PDLIM2: variants seen among roughly 807,000 people sequenced by gnomAD.
The protein encoded by PDLIM2 is PDZ and LIM domain protein 2.
PDLIM2 carries 51 observed loss-of-function variants against 54.1 expected under a neutral mutation model. The observed-to-expected ratio is 0.94, with a 90% CI of 0.75 to 1.19. PDLIM2 has a LOEUF of 1.19. Among genes scored for constraint, PDLIM2 ranks in the 50% most tolerant of loss-of-function variants. The pLI is 0.00. For missense variants in PDLIM2, 912 were observed against 874.0 expected, an observed-to-expected ratio of 1.04 and a Z score of -0.55; for synonymous variants, 398 against 385.6, an observed-to-expected ratio of 1.03 and a Z score of -0.38.
chr8:22,587,865 T>C (rs1221687139), intron 6 of PDLIM2: 1 of 152,306 alleles, frequency 6.6e-6, no homozygotes, highest in Non-Finnish European at 1.5e-5. Context: ...GATGCCCTTA[T>C]AGTGCCTCTG....
chr8:22,597,742 G>A (rs1800710999), downstream of PDLIM2: 1 of 152,500 alleles, frequency 6.6e-6, no homozygotes, highest in Non-Finnish European at 1.5e-5. Context: ...CACGGCCGGG[G>A]TGTGATTCCA....
At chr8:22,585,029 A>T (rs755714943) in exon 5 of PDLIM2, 1 of 1,613,906 alleles carries the variant, frequency 6.2e-7, no homozygotes, top group Non-Finnish European at 8.5e-7. Flanking sequence ...CTCCGTGAGG[A>T]CATACACTGA....
At chr8:22,581,130 T>C (rs1800188558) in intron 2 of PDLIM2, 1 of 667,348 alleles carries the variant, frequency 1.5e-6, no homozygotes, top group South Asian at 1.6e-5. Flanking sequence ...CCAAGCACAG[T>C]TCCTGAAATT....
At chr8:22,594,097 C>T in exon 10 of PDLIM2, 2 of 1,428,866 alleles carry the variant, frequency 1.4e-6, no homozygotes, top group Non-Finnish European at 1.8e-6. Context: ...TCACCCTCAC[C>T]TTGCCAGGCC....
chr8:22,578,997 G>A, exon 1 of PDLIM2: 4 of 1,242,538 alleles, frequency 3.2e-6, no homozygotes, highest in Non-Finnish European at 4.0e-6. Context: ...CCCCCCGGCG[G>A]GCTCGGGCCA....
At chr8:22,581,564 T>TC in intron 3 of PDLIM2, 34 bp downstream of exon 2, 1 of 1,532,858 alleles carries the variant, frequency 6.5e-7, no homozygotes, top group African/African-American at 1.4e-5. Flanking sequence ...CCTGTGGCAT[T>TC]CCCCCTCCTC....
intron 6 of PDLIM2, 113 bp downstream of exon 5, chr8:22,585,512 T>G: frequency 9.6e-7 from 1 of 1,042,558 alleles, no homozygotes; most frequent in Non-Finnish European, 1.4e-6. Context: ...AGCCATGGCC[T>G]CCTTCTCCTG....
chr8:22,593,383 C>T, intron 9 of PDLIM2: 1 of 208,834 alleles, frequency 4.8e-6, no homozygotes, highest in Non-Finnish European at 9.5e-6. Context: ...GCAAGACCGT[C>T]CTGGCTAACA....
At chr8:22,590,100 G>A in intron 8 of PDLIM2, 1 of 272,252 alleles carries the variant, frequency 3.7e-6, no homozygotes, top group South Asian at 4.5e-5. Flanking sequence ...AAAACATCAA[G>A]ACTTAAACAG....
At chr8:22,594,496 C>T (rs760676755), downstream of PDLIM2, 2 of 1,613,510 alleles carry the variant, frequency 1.2e-6, no homozygotes, top group Non-Finnish European at 8.5e-7. Context: ...TCATGTCATT[C>T]CTTAACCTTT....
intron 6 of PDLIM2, among the ~76,000 whole-genome samples, chr8:22,587,118 G>C (rs1800401872): frequency 1.3e-5 from 2 of 152,196 alleles, no homozygotes; most frequent in South Asian, 2.1e-4. Flanking sequence ...TGGGCTCTGG[G>C]GATGCAATCG....
At chr8:22,581,381 G>A in exon 3 of PDLIM2, 4 of 1,599,236 alleles carry the variant, frequency 2.5e-6, no homozygotes, top group Non-Finnish European at 3.4e-6. Flanking sequence ...CCCTACAGGT[G>A]GCCGAGCGGG....
chr8:22,593,452 T>C (rs539412175), intron 9 of PDLIM2: 9 of 394,878 alleles, frequency 2.3e-5, no homozygotes, highest in African/African-American at 1.9e-4. Context: ...TCGCACATGC[T>C]TGTAATCCCA....
intron 6 of PDLIM2, chr8:22,588,343 C>T (rs1285793206): frequency 6.6e-6 from 1 of 152,248 alleles, no homozygotes; most frequent in Non-Finnish European, 1.5e-5. Flanking sequence ...TGCAATTTTC[C>T]ATGTGGCTTC....
chr8:22,585,192 T>G, intron 5 of PDLIM2, 30 bp downstream of exon 4: 1 of 1,609,434 alleles, frequency 6.2e-7, no homozygotes, highest in South Asian at 1.1e-5. Flanking sequence ...GGTACCCTGG[T>G]CGCCTGCGCT....
At chr8:22,592,174 C>T (rs535457193) in intron 9 of PDLIM2, 11 of 149,396 alleles carry the variant, frequency 7.4e-5, no homozygotes, top group African/African-American at 2.5e-4. Flanking sequence ...CTCTGCCTCC[C>T]AGGTTCACGC....
chr8:22,593,437 T>TGTAGATCTCG, intron 9 of PDLIM2: 2 of 351,970 alleles, frequency 5.7e-6, no homozygotes, highest in Admixed American at 4.4e-5. Flanking sequence ...CTTAGCCAGG[T>TGTAGATCTCG]GTGGTCGCAC....
chr8:22,579,539 T>TCGGGGCGGCCG, intron 1 of PDLIM2: 1 of 1,453,870 alleles, frequency 6.9e-7, no homozygotes, highest in Non-Finnish European at 9.0e-7. Context: ...TCTGGGAATC[T>TCGGGGCGGCCG]CGGGGCGGCC....
intron 6 of PDLIM2, chr8:22,588,972 G>C (rs569577065): frequency 2.1e-6 from 1 of 482,714 alleles, no homozygotes; most frequent in African/African-American, 2.1e-5. Flanking sequence ...AGATAATAGC[G>C]TGCGTGACAG....
Sources: allele counts gnomAD v4.1 joint callset (sites outside exome capture counted in the v4.1 genomes callset), GRCh38; gene constraint gnomAD v4.1.1; transcripts MANE v1.5; gene names NCBI Gene and HGNC (gene_info 2026-07-23, HGNC 2026-07-21).